Variants in UNC80 observed in about 807,000 individuals in gnomAD.
The protein encoded by UNC80 is protein unc-80 homolog.
Under a neutral mutation model 384.6 loss-of-function variants are expected in UNC80, and 164 were observed. The observed-to-expected ratio is 0.43, with a 90% CI of 0.38 to 0.49. UNC80 has a LOEUF of 0.49. UNC80 is among the 20% of genes least tolerant of loss of function. The pLI is 0.00. For synonymous variants in UNC80, 1,486 were observed against 1,527.8 expected (o/e 0.97, Z 0.64); for missense variants, 3,330 against 4,143.0 (o/e 0.80, Z 5.39).
intron 24 of UNC80, among the ~76,000 whole-genome samples, chr2:209,879,614 A>G (rs546881938): frequency 6.6e-6 from 1 of 152,300 alleles, no homozygotes; most frequent in East Asian, 1.9e-4. Flanking sequence ...TCTAGTGTTC[A>G]ATTATTTTTT....
At chr2:209,789,133 A>G (rs2077638124) in intron 5 of UNC80, among the ~76,000 whole-genome samples, 1 of 152,220 alleles carries the variant, frequency 6.6e-6, no homozygotes, top group Admixed American at 6.5e-5. Context: ...AAACTCTATG[A>G]TGTTTGCACA....
chr2:209,810,224 G>A (rs1049745248), intron 7 of UNC80, among the ~76,000 whole-genome samples: 9 of 152,156 alleles, frequency 5.9e-5, no homozygotes, highest in African/African-American at 1.9e-4. Flanking sequence ...TCACTTGTCG[G>A]TGGCCTAAGT....
At chr2:209,866,484 GCACCCCCACACA>G (rs1276954707) in intron 22 of UNC80, among the ~76,000 whole-genome samples, 27 of 76,174 alleles carry the variant, frequency 3.5e-4, no homozygotes, top group African/African-American at 1.2e-3. Flanking sequence ...AATACAAAAT[GCACCCCCACACA>G]CACACACACA....
intron 11 of UNC80, 39 bp from the exon 12 acceptor site, chr2:209,818,954 A>T: frequency 6.5e-7 from 1 of 1,538,170 alleles, no homozygotes; most frequent in Admixed American, 2.0e-5. Flanking sequence ...ATTGTAGGTT[A>T]ATGTAGGGAG....
At position 209,849,483 on chromosome 2, in the gene UNC80, A is replaced by T; in HGVS notation, c.3487A>T (p.Asn1163Tyr). Reference protein sequence around the residue: ...CHSFDDHLSPNQDGGKSKNVV... With the variant: ...CHSFDDHLSPYQDGGKSKNVV... ...CAGTTTTGATGATCATCTCTCTCCC[A>T]ACCAAGATGGTGGAAAAAGCAAAAA... Residue 1163 changes from asparagine (N) to tyrosine (Y), a missense_variant, in exon 22 of 65, where the codon AAC (asparagine) becomes TAC (tyrosine). By Grantham distance (143) the Asn-to-Tyr change is moderately radical. Coordinates refer to ENST00000673920, the MANE Select transcript of UNC80 (RefSeq NM_001371986.1). 1.3e-6 allele frequency: 2 copies of T among 1,550,976 alleles called. No homozygotes were observed. The highest frequency in any genetic ancestry group is 1.7e-6 in the Non-Finnish European group (2 of 1,146,480).
chr2:209,932,348 A>G (rs1355630930), intron 38 of UNC80, among the ~76,000 whole-genome samples: 7 of 152,158 alleles, frequency 4.6e-5, no homozygotes, highest in African/African-American at 1.7e-4. Flanking sequence ...TCTACACCAC[A>G]CGAAAACCAA....
chr2:209,878,407 G>A (rs1439259539), intron 24 of UNC80, among the ~76,000 whole-genome samples: 1 of 152,166 alleles, frequency 6.6e-6, no homozygotes, highest in Non-Finnish European at 1.5e-5. Context: ...CACTATAGTT[G>A]TGGAAAATTT....
intron 54 of UNC80, among the ~76,000 whole-genome samples, 160 bp downstream of exon 54, chr2:209,971,117 T>C (rs185096678): frequency 9.2e-5 from 14 of 152,340 alleles, no homozygotes; most frequent in Non-Finnish European, 8.8e-5. Context: ...GCCCTGAGCT[T>C]GGCCCTAAGT....
chr2:209,978,482 T>C, intron 58 of UNC80, 47 bp from the exon 59 acceptor site: 2 of 1,444,730 alleles, frequency 1.4e-6, no homozygotes, highest in Non-Finnish European at 1.9e-6. Context: ...GAAGTGGACA[T>C]TTAAGATTCT....
intron 44 of UNC80, 73 bp from the exon 45 acceptor site, chr2:209,943,307 A>T: frequency 6.6e-7 from 1 of 1,521,806 alleles, no homozygotes; most frequent in East Asian, 2.5e-5. Flanking sequence ...TCCCATGACC[A>T]TGAGTTTTAA....
rs1575001182 is a variant in UNC80, at chr2:209,915,419, A to AC, written c.5029+1479_5029+1480insC. 3.3e-5 allele frequency among the ~76,000 whole-genome samples: 5 copies of AC among 151,626 alleles called. No individual in the cohort carries two copies. The East Asian group carries it at 9.7e-4, about 29-fold the overall frequency. ...GACTCTGTCTCAAAAAAAAAAAAAA[A>AC]AAAAACAAAAACTGGGTGAATGTGG... On this transcript the variant is annotated intron_variant, in intron 31 of 64. Coordinates refer to ENST00000673920, the MANE Select transcript of UNC80 (RefSeq NM_001371986.1).
chr2:209,930,876 C>T, intron 37 of UNC80, 92 bp from the exon 38 acceptor site: 2 of 805,316 alleles, frequency 2.5e-6, no homozygotes, highest in Non-Finnish European at 1.9e-6. Flanking sequence ...TAAAAAAAAT[C>T]CCTCACCCAA....
At chr2:209,906,991 A>G (rs1006961004) in intron 29 of UNC80, among the ~76,000 whole-genome samples, 6 of 152,040 alleles carry the variant, frequency 3.9e-5, no homozygotes, top group African/African-American at 9.7e-5. Context: ...CTAGGCCTCT[A>G]ATCTAACATA....
chr2:209,931,111 A>C, intron 38 of UNC80, 57 bp downstream of exon 38: 1 of 1,320,730 alleles, frequency 7.6e-7, no homozygotes, highest in Non-Finnish European at 1.0e-6. Flanking sequence ...AAAAGGTCTT[A>C]GAAGATTTTT....
intron 21 of UNC80, among the ~76,000 whole-genome samples, chr2:209,845,593 G>A (rs769014095): frequency 6.6e-6 from 1 of 152,118 alleles, no homozygotes; most frequent in East Asian, 1.9e-4. Context: ...CAATGAGTTT[G>A]TGTCAACAAT....
In UNC80 at chr2:209,976,235, T is replaced by C. The variant is rs1440307154; in HGVS notation, c.8704T>C (p.Phe2902Leu). Residue 2902 changes from phenylalanine to leucine, a missense_variant, in exon 57 of 65, where the codon TTC becomes CTC. Phe to Leu is a conservative substitution (Grantham distance 22). Coordinates refer to ENST00000673920, the MANE Select transcript of UNC80 (RefSeq NM_001371986.1). The surrounding 1 kb of genome is among the most constrained non-coding windows in gnomAD (Gnocchi z 4.3). The stretch of plus-strand genomic sequence containing the variant: ...GGTGGGAGGCCTGGCCCTTTGGGAT[T>C]TCCTCGACTTCATCGTGCGGACCCG... ...RKVGGLALWD[F>L]LDFIVRTRIP... is the part of the protein sequence containing the mutation. 1 of 1,551,700 alleles carries C rather than the reference T, an allele frequency of 6.4e-7. No homozygotes were observed. Among genetic ancestry groups the C allele is most frequent in the East Asian group, 2.4e-5 (1 of 40,910 alleles).
rs185650954 is a variant in UNC80 at position 209,894,224 on chromosome 2, T to C, written c.4338T>C (p.Ser1446=). The C allele has an allele frequency of 2.1e-5, 21 of 985,378 alleles. No individual in the cohort carries two copies. The African/African-American group carries it at 3.3e-4, about 16-fold the overall frequency. The allele number at this position is 985,378 out of a possible 1,614,324, so 61.0% of individuals were successfully genotyped here. The change falls in exon 27 of 65, where the codon AGT becomes AGC. Residue 1446 remains serine (S), a synonymous_variant. Coordinates refer to ENST00000673920, the MANE Select transcript of UNC80 (RefSeq NM_001371986.1). ...SRLLQIKGTR[S]FQVKKGGSLS... ...TGCTCCAGATTAAAGGAACCCGCAG[T>C]TTCCAGGTGAAGAAGGGGGGTTCCT... is the stretch of plus-strand genomic sequence containing the variant.
chr2:209,945,309 T>G, intron 46 of UNC80, 120 bp downstream of exon 46: 1 of 1,055,618 alleles, frequency 9.5e-7, no homozygotes, highest in Non-Finnish European at 1.3e-6. Context: ...TAAATCAAAG[T>G]AGCAAAAATA....
chr2:209,821,908 T>C (rs1214075836), intron 13 of UNC80, among the ~76,000 whole-genome samples: 1 of 152,204 alleles, frequency 6.6e-6, no homozygotes, highest in East Asian at 1.9e-4. Context: ...TCTAGATATA[T>C]ACCATCTAGA....
Sources: gnomAD v4.1 joint callset for allele counts (sites outside exome capture counted in the v4.1 genomes callset) on GRCh38, gnomAD v4.1.1 for gene constraint, Gnocchi (gnomAD v3.1) non-coding constraint, MANE v1.5 for transcripts, NCBI Gene and HGNC (gene_info 2026-07-23, HGNC 2026-07-21) for gene names.